The following MAGI1 variants were observed in gnomAD, a reference collection of about 807,000 sequenced individuals.
MAGI1 encodes membrane associated guanylate kinase, WW and PDZ domain containing 1, also known as membrane-associated guanylate kinase, WW and PDZ domain-containing protein 1.
Under a neutral mutation model 139.9 loss-of-function variants are expected in MAGI1, and 58 were observed. The ratio of observed to expected loss-of-function variants is 0.41; its 90% confidence interval spans 0.34 to 0.52. The LOEUF (loss-of-function observed/expected upper bound fraction) is 0.52. Among genes scored for constraint, MAGI1 ranks in the 20% least tolerant of loss-of-function variants. The pLI, the probability that MAGI1 is intolerant of heterozygous loss-of-function variation, is 0.12. For synonymous variants in MAGI1, 812 were observed against 737.9 expected (o/e 1.10, Z -1.63); for missense variants, 1,874 against 1,901.6 (o/e 0.99, Z 0.27).
In MAGI1 at chr3:65,374,143, T is replaced by G. The variant is rs371614409; in HGVS notation, c.3196+1602A>C. ...TTTTTTCTTGAGAAATACTCACTTTTAGAATATATATTTTATAACATGTAT... is the reference window on the plus strand; with the variant it reads ...TTTTTTCTTGAGAAATACTCACTTTGAGAATATATATTTTATAACATGTAT... On this transcript the variant is annotated intron_variant, in intron 18 of 22. Transcript: ENST00000402939. Among the ~76,000 whole-genome samples the G allele has an allele frequency of 2.6e-5, 4 of 152,224 alleles. No individual in the cohort carries two copies. In the East Asian group the frequency reaches 7.7e-4, roughly 29 times the overall value.
At chr3:65,603,824 G>A (rs139239631) in intron 2 of MAGI1, among the ~76,000 whole-genome samples, 21 of 152,272 alleles carry the variant, frequency 1.4e-4, no homozygotes, top group Non-Finnish European at 2.6e-4. Flanking sequence ...CCAAGATGGC[G>A]CCCTGTTACA....
chr3:65,878,389 G>C (rs2060198404), intron 1 of MAGI1, among the ~76,000 whole-genome samples: 1 of 151,964 alleles, frequency 6.6e-6, no homozygotes. Flanking sequence ...GGTGGTGGGT[G>C]CCTGTAATCC....
intron 18 of MAGI1, chr3:65,365,326 ATAAT>A (rs1209717711): frequency 5.0e-6 from 2 of 397,530 alleles, no homozygotes; most frequent in African/African-American, 4.1e-5. Context: ...TTAAAGTCTG[ATAAT>A]TAATGTCTCT....
intron 1 of MAGI1, among the ~76,000 whole-genome samples, chr3:65,983,788 T>C (rs1263743544): frequency 2.0e-5 from 3 of 152,202 alleles, no homozygotes; most frequent in Admixed American, 1.3e-4. Context: ...GCCAAATTAC[T>C]TAACTTCTTT....
Position 65,436,899 on chromosome 3 carries a change from C to T in MAGI1, c.1363+256G>A, listed in dbSNP as rs1301442736. On this transcript the variant is annotated intron_variant, in intron 10 of 22. Coordinates refer to ENST00000402939, the MANE Select transcript of MAGI1 (RefSeq NM_001033057.2). Reference sequence around the variant, plus strand: ...TGGCAATGGTGCTGAGATTGAGAAACGTTGGTTTGAATGATCATTTAACAA... The same window carrying T: ...TGGCAATGGTGCTGAGATTGAGAAATGTTGGTTTGAATGATCATTTAACAA... Among the ~76,000 whole-genome samples the T allele has an allele frequency of 3.3e-5, 5 of 151,938 alleles. No individual in the cohort carries two copies. In the East Asian group the frequency reaches 9.6e-4, roughly 29 times the overall value.
At chr3:65,490,166 G>A (rs1951902682) in intron 3 of MAGI1, among the ~76,000 whole-genome samples, 1 of 152,224 alleles carries the variant, frequency 6.6e-6, no homozygotes, top group African/African-American at 2.4e-5. Flanking sequence ...GCTTACATGT[G>A]TCAGACACTC....
intron 1 of MAGI1, among the ~76,000 whole-genome samples, chr3:65,884,534 CTAAAATA>C (rs2060458423): frequency 1.3e-5 from 2 of 152,178 alleles, no homozygotes; most frequent in African/African-American, 4.8e-5. Flanking sequence ...TTTCTAACTA[CTAAAATA>C]CTGAGCTATT....
At position 65,951,018 on chromosome 3, in the gene MAGI1, AGG is replaced by A. The variant is rs1560047162; in HGVS notation, c.313+86976_313+86977del. ...AAGGAAGGAAGGAAGGAAGGAAGGA[AGG>A]AAGGAAGGAAGGAAGGAAAGGAGGG... On this transcript the variant is annotated intron_variant, in intron 1 of 22. Coordinates refer to ENST00000402939, the MANE Select transcript of MAGI1 (RefSeq NM_001033057.2). Among the ~76,000 whole-genome samples, 12 of 111,328 alleles carry A rather than the reference AGG, an allele frequency of 1.1e-4. 1 individual carries two copies. Among genetic ancestry groups the A allele is most frequent in the Non-Finnish European group, 1.9e-4 (9 of 47,602 alleles). 73.0% of individuals were successfully genotyped at this position (111,328 alleles called of 152,430 possible).
intron 2 of MAGI1, among the ~76,000 whole-genome samples, chr3:65,560,078 G>C (rs777923783): frequency 1.1e-4 from 17 of 152,116 alleles, no homozygotes; most frequent in Non-Finnish European, 1.9e-4. Flanking sequence ...TTCAAAGCTT[G>C]TCTGTTTAGC....
intron 2 of MAGI1, chr3:65,549,270 C>G (rs2079692593): frequency 1.5e-3 from 420 of 286,020 alleles, no homozygotes; most frequent in Non-Finnish European, 2.0e-3. Context: ...CACTTCCTCG[C>G]CTTCTCCTTC....
At chr3:65,375,720 GA>G (rs1942460079) in intron 18 of MAGI1, 24 bp downstream of exon 18, 1 of 1,543,048 alleles carries the variant, frequency 6.5e-7, no homozygotes, top group Non-Finnish European at 9.0e-7. Context: ...GAGAGAGAGA[GA>G]GAGAGATAAT....
At chr3:65,866,122 T>C (rs1223012661) in intron 1 of MAGI1, among the ~76,000 whole-genome samples, 1 of 151,474 alleles carries the variant, frequency 6.6e-6, no homozygotes, top group Non-Finnish European at 1.5e-5. Context: ...ATTAAATATA[T>C]AAATATAAAA....
At chr3:65,824,732 G>A (rs568590714) in intron 1 of MAGI1, among the ~76,000 whole-genome samples, 2 of 152,124 alleles carry the variant, frequency 1.3e-5, no homozygotes, top group East Asian at 1.9e-4. Context: ...GAGCTTGGGG[G>A]TTTTACCCAG....
At chr3:65,942,448 T>C (rs531940254) in intron 1 of MAGI1, among the ~76,000 whole-genome samples, 3 of 152,278 alleles carry the variant, frequency 2.0e-5, no homozygotes, top group Admixed American at 6.5e-5. Context: ...CATGATTTTC[T>C]TGGTCTCCCA....
chr3:65,653,930 TGAG>T lies in MAGI1; in HGVS notation c.314-31845_314-31843del, dbSNP rs1253941407. ...ACACATAGGCGTTATATTTCCATGG[TGAG>T]GAGGAGGGGATTGCTACACACAGTG... On this transcript the variant is annotated intron_variant, in intron 1 of 22. Coordinates refer to ENST00000402939, the MANE Select transcript of MAGI1 (RefSeq NM_001033057.2). Among the ~76,000 whole-genome samples the T allele has an allele frequency of 3.3e-5, 5 of 152,068 alleles. No homozygotes were observed. The East Asian group carries it at 9.7e-4, about 29-fold the overall frequency.
intron 1 of MAGI1, among the ~76,000 whole-genome samples, chr3:65,867,992 C>T (rs980406977): frequency 2.8e-4 from 43 of 152,152 alleles, no homozygotes; most frequent in African/African-American, 8.2e-4. Flanking sequence ...TAAGCTGCTC[C>T]TCCCTGCCCT....
chr3:65,592,481 T>C (rs1318036501), intron 2 of MAGI1, among the ~76,000 whole-genome samples: 2 of 152,172 alleles, frequency 1.3e-5, no homozygotes, highest in African/African-American at 2.4e-5. Context: ...CTTGGGGACA[T>C]TATGTGGTTG....
intron 1 of MAGI1, among the ~76,000 whole-genome samples, chr3:65,900,245 T>G (rs1019958524): frequency 2.0e-5 from 3 of 152,148 alleles, no homozygotes; most frequent in Non-Finnish European, 4.4e-5. Flanking sequence ...CATTAACTCT[T>G]AAAAATCCCA....
chr3:65,676,496 A>G (rs1201762529), intron 1 of MAGI1, among the ~76,000 whole-genome samples: 2 of 152,214 alleles, frequency 1.3e-5, no homozygotes, highest in Non-Finnish European at 2.9e-5. Context: ...TTTAAAAAAT[A>G]AATCTGGAGA....
Sources: allele counts gnomAD v4.1 joint callset (sites outside exome capture counted in the v4.1 genomes callset), GRCh38; gene constraint gnomAD v4.1.1; transcripts MANE v1.5; gene names NCBI Gene and HGNC (gene_info 2026-07-23, HGNC 2026-07-21).